RAPGEF4: variants seen among roughly 807,000 people sequenced by gnomAD.
The protein encoded by RAPGEF4 is Rap guanine nucleotide exchange factor 4, also known as RAP guanine-nucleotide-exchange factor (GEF) 4.
A neutral mutation model predicts 147.9 loss-of-function variants in RAPGEF4; 66 were observed. The observed-to-expected ratio is 0.45, with a 90% CI of 0.37 to 0.55. RAPGEF4 has a LOEUF of 0.55. RAPGEF4 is among the 20% of genes least tolerant of loss of function. The pLI is 0.00. For missense variants in RAPGEF4, 1,071 were observed against 1,257.3 expected (o/e 0.85, Z 2.24); for synonymous variants, 419 against 442.7 (o/e 0.95, Z 0.67).
chr2:173,048,534 T>C, intron 29 of RAPGEF4, 66 bp from the exon 30 acceptor site: 1 of 1,604,000 alleles, frequency 6.2e-7, no homozygotes, highest in Non-Finnish European at 8.5e-7. Context: ...TGGTTTGTTT[T>C]CCTTTTTGGA....
intron 1 of RAPGEF4, chr2:172,744,456 T>C (rs1316060212): frequency 2.2e-6 from 1 of 455,954 alleles, no homozygotes; most frequent in Non-Finnish European, 4.4e-6. Context: ...TGCGTGGTCA[T>C]CTCTAGAGAG....
chr2:172,754,182 T>A (rs1230660456), intron 1 of RAPGEF4, among the ~76,000 whole-genome samples: 1 of 152,212 alleles, frequency 6.6e-6, no homozygotes, highest in Non-Finnish European at 1.5e-5. Flanking sequence ...TTTTTTAATG[T>A]GTTTGAGCTT....
At chr2:172,869,727 AT>A (rs1358682124) in intron 4 of RAPGEF4, among the ~76,000 whole-genome samples, 2 of 152,150 alleles carry the variant, frequency 1.3e-5, no homozygotes, top group African/African-American at 4.8e-5. Flanking sequence ...ATATAAGTAT[AT>A]TTCTGTTATT....
chr2:172,981,425 G>A (rs1040339553), intron 10 of RAPGEF4, among the ~76,000 whole-genome samples: 6 of 152,328 alleles, frequency 3.9e-5, no homozygotes, highest in Non-Finnish European at 1.5e-5. Flanking sequence ...GGCTCTGGCC[G>A]AGAAGGCCTG....
chr2:172,897,732 C>CTATTTTATTTTATTTTGTTTTATTT (rs1698640355), intron 4 of RAPGEF4, among the ~76,000 whole-genome samples: 1 of 134,140 alleles, frequency 7.5e-6, no homozygotes, highest in Non-Finnish European at 1.6e-5. Context: ...GAGTTTTCAT[C>CTATTTTATTTTATTTTGTTTTATTT]TATTTTATTT....
At chr2:172,983,227 T>C (rs1462627298) in intron 10 of RAPGEF4, among the ~76,000 whole-genome samples, 1 of 152,190 alleles carries the variant, frequency 6.6e-6, no homozygotes, top group Non-Finnish European at 1.5e-5. Context: ...GTTGGCCAAC[T>C]ACCATGTGAG....
intron 1 of RAPGEF4, among the ~76,000 whole-genome samples, chr2:172,763,983 G>A (rs1696590820): frequency 6.6e-6 from 1 of 152,026 alleles, no homozygotes; most frequent in African/African-American, 2.4e-5. Context: ...AGACACCATG[G>A]CTCACACCTG....
chr2:173,051,606 A>T, intron 30 of RAPGEF4, 34 bp from the exon 31 acceptor site: 1 of 1,605,070 alleles, frequency 6.2e-7, no homozygotes, highest in Non-Finnish European at 8.5e-7. Flanking sequence ...CATATATTAC[A>T]CAATGCCAAT....
chr2:172,867,162 G>A (rs182044805), intron 4 of RAPGEF4, among the ~76,000 whole-genome samples: 107 of 152,082 alleles, frequency 7.0e-4, no homozygotes, highest in African/African-American at 2.3e-3. Context: ...TAATGGAGAT[G>A]GGGTTTTGCC....
chr2:172,944,448 T>G (rs1284693485), intron 6 of RAPGEF4, among the ~76,000 whole-genome samples: 1 of 152,170 alleles, frequency 6.6e-6, no homozygotes, highest in Non-Finnish European at 1.5e-5. Flanking sequence ...CTTATTATCT[T>G]GGGCAAGTGC....
intron 2 of RAPGEF4, among the ~76,000 whole-genome samples, chr2:172,796,735 G>T (rs1686411898): frequency 6.6e-6 from 1 of 152,118 alleles, no homozygotes; most frequent in African/African-American, 2.4e-5. Flanking sequence ...CACTAGCCTT[G>T]CCAGGACTCG....
intron 1 of RAPGEF4, among the ~76,000 whole-genome samples, chr2:172,741,860 A>T (rs995332504): frequency 6.6e-6 from 1 of 152,056 alleles, no homozygotes; most frequent in Non-Finnish European, 1.5e-5. Flanking sequence ...TTTTGTAGAG[A>T]TGGAGTCTCC....
At chr2:172,874,981 A>G (rs1460761832) in intron 4 of RAPGEF4, among the ~76,000 whole-genome samples, 1 of 152,164 alleles carries the variant, frequency 6.6e-6, no homozygotes, top group Non-Finnish European at 1.5e-5. Context: ...TTTGATTTGC[A>G]TTTCTCTGAT....
At chr2:172,883,171 G>A (rs1241443114) in intron 4 of RAPGEF4, among the ~76,000 whole-genome samples, 3 of 152,126 alleles carry the variant, frequency 2.0e-5, no homozygotes, top group African/African-American at 7.2e-5. Flanking sequence ...TGCTGTAACA[G>A]AATATATGAG....
chr2:172,747,641 T>G (rs1305236600), intron 1 of RAPGEF4, among the ~76,000 whole-genome samples: 1 of 152,110 alleles, frequency 6.6e-6, no homozygotes, highest in Non-Finnish European at 1.5e-5. Flanking sequence ...AATTTTTTAT[T>G]TTTAGTAGAG....
intron 4 of RAPGEF4, among the ~76,000 whole-genome samples, chr2:172,845,212 G>A (rs1257343701): frequency 6.6e-6 from 1 of 152,190 alleles, no homozygotes; most frequent in East Asian, 1.9e-4. Flanking sequence ...GGGAGTCCTT[G>A]AGCTTCATGG....
At chr2:172,900,838 C>A (rs1698992498) in intron 4 of RAPGEF4, among the ~76,000 whole-genome samples, 1 of 152,160 alleles carries the variant, frequency 6.6e-6, no homozygotes, top group African/African-American at 2.4e-5. Flanking sequence ...CAAACACCGT[C>A]CATAATGTTT....
chr2:172,857,210 T>C (rs557024720), intron 4 of RAPGEF4, among the ~76,000 whole-genome samples: 2 of 149,578 alleles, frequency 1.3e-5, no homozygotes, highest in East Asian at 4.0e-4. Flanking sequence ...ACAGAGCGAG[T>C]CTTAGTACTT....
At chr2:173,022,933 G>C (rs1696252929) in intron 23 of RAPGEF4, among the ~76,000 whole-genome samples, 1 of 152,138 alleles carries the variant, frequency 6.6e-6, no homozygotes, top group Non-Finnish European at 1.5e-5. Flanking sequence ...TCCATTCACT[G>C]GTTCCTCAGA....
Sources: gnomAD v4.1 joint callset for allele counts (sites outside exome capture counted in the v4.1 genomes callset) on GRCh38, gnomAD v4.1.1 for gene constraint, MANE v1.5 for transcripts, NCBI Gene and HGNC (gene_info 2026-07-23, HGNC 2026-07-21) for gene names.